The following DIAPH1 variants were observed in gnomAD, a reference collection of about 807,000 sequenced individuals.
DIAPH1 encodes the protein protein diaphanous homolog 1.
Under a neutral mutation model 140.7 loss-of-function variants are expected in DIAPH1, and 46 were observed. The observed-to-expected ratio is 0.33, with a 90% CI of 0.26 to 0.42. The LOEUF (loss-of-function observed/expected upper bound fraction) is 0.42, where lower values mean the gene tolerates loss of function less well. Ranked by LOEUF, DIAPH1 falls within the 10% of genes least tolerant of loss-of-function variation. The pLI is 1.00. For synonymous variants in DIAPH1, 565 were observed against 551.6 expected, an observed-to-expected ratio of 1.02 and a Z score of -0.34; for missense variants, 1,310 against 1,558.7, an observed-to-expected ratio of 0.84 and a Z score of 2.69.
chr5:141,557,967 A>G (rs2099892907), intron 18 of DIAPH1: 1 of 152,214 alleles, frequency 6.6e-6, no homozygotes, highest in South Asian at 2.1e-4. Context: ...GCTGGGAGCA[A>G]AAACAATCTG....
At chr5:141,518,917 G>T in intron 27 of DIAPH1, 1 of 1,549,464 alleles carries the variant, frequency 6.5e-7, no homozygotes, top group South Asian at 1.2e-5. Flanking sequence ...GATCAAGCAG[G>T]GAACACGCAG....
intron 26 of DIAPH1, chr5:141,524,558 G>C (rs2099887020): frequency 2.5e-6 from 1 of 396,010 alleles, no homozygotes; most frequent in African/African-American, 2.1e-5. Context: ...GATAAGTAGA[G>C]ACTACGATTG....
chr5:141,539,430 G>GTTTTTTTTTTT (rs374210300), intron 18 of DIAPH1, among the ~76,000 whole-genome samples: 1 of 131,846 alleles, frequency 7.6e-6, no homozygotes, highest in Non-Finnish European at 1.6e-5. Flanking sequence ...TTTTTTTTTT[G>GTTTTTTTTTTT]TTTTTTTTTT....
chr5:141,588,641 G>A (rs564509153), intron 1 of DIAPH1, among the ~76,000 whole-genome samples: 4 of 152,088 alleles, frequency 2.6e-5, no homozygotes, highest in African/African-American at 7.2e-5. Flanking sequence ...TTTCATGTCC[G>A]TCTAGTCACA....
At chr5:141,521,646 A>G (rs2099886558) in intron 27 of DIAPH1, among the ~76,000 whole-genome samples, 2 of 152,200 alleles carry the variant, frequency 1.3e-5, no homozygotes, top group Admixed American at 1.3e-4. Flanking sequence ...CTCTCTGGAA[A>G]AAAGGAGGGC....
chr5:141,618,322 G>A (rs1357337047), intron 1 of DIAPH1: 1 of 152,968 alleles, frequency 6.5e-6, no homozygotes, highest in Admixed American at 6.5e-5. Flanking sequence ...CTGGGCGGGA[G>A]GAAAGTTAGC....
intron 21 of DIAPH1, 103 bp from the exon 22 acceptor site, chr5:141,529,044 G>C (rs756314241): frequency 2.4e-4 from 382 of 1,585,714 alleles, no homozygotes; most frequent in Non-Finnish European, 3.2e-4. Flanking sequence ...TCCAGAGCAG[G>C]GAGAAGAGAG....
intron 1 of DIAPH1, among the ~76,000 whole-genome samples, chr5:141,599,130 GGGTAGTTCTTAGCA>G (rs1483624375): frequency 1.3e-5 from 2 of 152,168 alleles, no homozygotes; most frequent in Non-Finnish European, 2.9e-5. Context: ...AAAGGTAATT[GGGTAGTTCTTAGCA>G]GCAGAGAGGT....
chr5:141,608,850 G>A (rs2099901357), intron 1 of DIAPH1, among the ~76,000 whole-genome samples: 1 of 152,116 alleles, frequency 6.6e-6, no homozygotes, highest in African/African-American at 2.4e-5. Flanking sequence ...AATACCAAAC[G>A]TCAAATTTAA....
Position 141,583,490 on chromosome 5 carries a change from AG to A in DIAPH1, c.527del (p.Pro176LeufsTer46), listed in dbSNP as rs2099897082. The A allele has an allele frequency of 6.2e-7, 1 of 1,614,044 alleles. No homozygotes were observed. On this transcript the variant is annotated frameshift_variant, in exon 5 of 28. Coordinates refer to ENST00000389054, the MANE Select transcript of DIAPH1 (RefSeq NM_005219.5). LOFTEE classifies it high-confidence loss of function. Reference sequence around the variant, plus strand: ...TACCTCCTCAGAATCCTCACCTGACAGGGTTGTTGTTGAGAGACACACGAAG... The same window carrying A: ...TACCTCCTCAGAATCCTCACCTGACAGGTTGTTGTTGAGAGACACACGAAG... ...ESLRVSLNNNPVSWVQTFGAE... is the reference protein window; with the variant it reads ...ESLRVSLNNNXVSWVQTFGAE...
rs62379254 is a variant in DIAPH1, at chr5:141,562,198, T to C, written c.2482+9230A>G. On this transcript the variant is annotated intron_variant, in intron 18 of 27. Transcript: ENST00000389054. ...CATGCTAAGATGCAGTCAGATCAAA[T>C]GGGTTACTGTAGCTACTGTTTCAAA... 3.0e-3 allele frequency among the ~76,000 whole-genome samples: 453 copies of C among 151,054 alleles called. 1 individual carries two copies. Among genetic ancestry groups the C allele is most frequent in the South Asian group, 5.7e-3 (27 of 4,772 alleles).
chr5:141,575,141 G>A lies in DIAPH1; in HGVS notation c.1467C>T (p.Asp489=). The change falls in exon 15 of 28, where the codon GAC becomes GAT. Residue 489 remains aspartate (D), a synonymous_variant. Transcript: ENST00000389054. ...GCTCATGTCGGGCTGTTAACTCTGA[G>A]TCCAACTAGAGAAAAAACGAATCAG... ...AKAAELEKKL[D]SELTARHELQ... 6.2e-7 allele frequency: 1 copy of A among 1,614,082 alleles called. No individual in the cohort carries two copies. Among genetic ancestry groups the A allele is most frequent in the South Asian group, 1.1e-5 (1 of 91,056 alleles).
At chr5:141,534,577 T>C in intron 18 of DIAPH1, 144 bp from the exon 19 acceptor site, 1 of 670,890 alleles carries the variant, frequency 1.5e-6, no homozygotes, top group Non-Finnish European at 2.7e-6. Context: ...TAACCTCCTC[T>C]TCAACCAACC....
intron 27 of DIAPH1, chr5:141,518,894 G>A (rs769431133): frequency 1.3e-6 from 2 of 1,524,084 alleles, no homozygotes; most frequent in Middle Eastern, 1.7e-4. Flanking sequence ...CATCCCAGGA[G>A]AGGCTGCCCA....
intron 1 of DIAPH1, among the ~76,000 whole-genome samples, chr5:141,595,465 C>A (rs1166340318): frequency 6.6e-6 from 1 of 152,156 alleles, no homozygotes; most frequent in Non-Finnish European, 1.5e-5. Context: ...TCCCCATAAT[C>A]CCCATATGTC....
At chr5:141,570,232 G>C (rs1365519143) in intron 18 of DIAPH1, among the ~76,000 whole-genome samples, 3 of 152,174 alleles carry the variant, frequency 2.0e-5, no homozygotes, top group African/African-American at 7.2e-5. Flanking sequence ...ACTCAAGAAA[G>C]AAACTTATGC....
chr5:141,520,665 T>C (rs2099886385), intron 27 of DIAPH1, among the ~76,000 whole-genome samples: 1 of 152,178 alleles, frequency 6.6e-6, no homozygotes, highest in Non-Finnish European at 1.5e-5. Flanking sequence ...TTTATAATAA[T>C]ACAAAATAGA....
intron 27 of DIAPH1, chr5:141,519,138 G>T: frequency 1.3e-6 from 1 of 792,148 alleles, no homozygotes; most frequent in Non-Finnish European, 2.1e-6. Flanking sequence ...AATGCCCCGT[G>T]ACTGAGACAA....
chr5:141,557,157 A>G (rs544584472), intron 18 of DIAPH1, among the ~76,000 whole-genome samples: 9 of 152,358 alleles, frequency 5.9e-5, no homozygotes, highest in South Asian at 4.1e-4. Context: ...TCATAAGATA[A>G]TTTGGGAAAT....
Sources: allele counts gnomAD v4.1 joint callset (sites outside exome capture counted in the v4.1 genomes callset), GRCh38; gene constraint gnomAD v4.1.1; transcripts MANE v1.5; gene names NCBI Gene and HGNC (gene_info 2026-07-23, HGNC 2026-07-21).